The following ADAMTS17 variants were observed in gnomAD, a reference collection of about 807,000 sequenced individuals.
The protein encoded by ADAMTS17 is A disintegrin and metalloproteinase with thrombospondin motifs 17.
In ADAMTS17, 113 loss-of-function variants were observed where a neutral mutation model predicts 141.5. That is an observed-to-expected ratio of 0.80 (90% CI 0.69 to 0.93). The LOEUF is 0.93. ADAMTS17 is among the 40% of genes least tolerant of loss of function. The pLI, the probability that ADAMTS17 is intolerant of heterozygous loss-of-function variation, is 0.00. For missense variants in ADAMTS17, 1,659 were observed against 1,517.9 expected, an observed-to-expected ratio of 1.09 and a Z score of -1.54; for synonymous variants, 768 against 630.6, an observed-to-expected ratio of 1.22 and a Z score of -3.27.
chr15:100,150,451 A>T (rs956596930), intron 10 of ADAMTS17, among the ~76,000 whole-genome samples: 4 of 151,824 alleles, frequency 2.6e-5, no homozygotes, highest in African/African-American at 9.7e-5. Flanking sequence ...CTTAGCTTCT[A>T]TATTCTCATC....
At chr15:100,311,420 C>T (rs2141860202) in intron 3 of ADAMTS17, among the ~76,000 whole-genome samples, 2 of 152,332 alleles carry the variant, frequency 1.3e-5, no homozygotes, top group East Asian at 3.9e-4. Context: ...CAGGAGCTTC[C>T]CTGAGCCACC....
intron 7 of ADAMTS17, among the ~76,000 whole-genome samples, chr15:100,243,416 A>G (rs1480293786): frequency 4.6e-5 from 7 of 152,202 alleles, no homozygotes; most frequent in South Asian, 4.1e-4. Flanking sequence ...CAGATGCACC[A>G]TTTTGCATTC....
At position 100,341,352 on chromosome 15, in the gene ADAMTS17, T is replaced by G. The variant is rs2046361026; in HGVS notation, c.137A>C (p.Asp46Ala). ...GGGCAGCGGCGGCAGGTGCACGTCG[T>G]CGGGGCGCACCCGCCACGGGAGCAC... is the stretch of plus-strand genomic sequence containing the variant. ...EVVLPWRVRP[D>A]DVHLPPLPAA... The change falls in exon 2 of 22, where the codon GAC becomes GCC. Residue 46 changes from aspartate (D) to alanine (A), a missense_variant. By Grantham distance (126) the Asp-to-Ala change is moderately radical. Transcript: ENST00000268070. 9.8e-7 allele frequency: 1 copy of G among 1,018,338 alleles called. No homozygotes were observed. Among genetic ancestry groups the G allele is most frequent in the South Asian group, 4.4e-5 (1 of 22,482 alleles). 63.1% of individuals were successfully genotyped at this position (1,018,338 alleles called of 1,614,324 possible). A position where few individuals can be genotyped will look rare whatever the true frequency, so the allele number is the denominator to read the frequency against.
chr15:100,001,839 TGC>T (rs1372893981), intron 18 of ADAMTS17, among the ~76,000 whole-genome samples: 1 of 149,834 alleles, frequency 6.7e-6, no homozygotes, highest in Non-Finnish European at 1.5e-5. Context: ...CGTGGTGGTG[TGC>T]ATCTGTGGTC....
intron 7 of ADAMTS17, among the ~76,000 whole-genome samples, chr15:100,210,346 A>T (rs2041760612): frequency 6.6e-6 from 1 of 151,756 alleles, no homozygotes; most frequent in African/African-American, 2.4e-5. Context: ...CTATGTGTGT[A>T]CCAGGTCCTG....
At chr15:100,339,194 A>G (rs190210762) in intron 2 of ADAMTS17, 7 of 977,008 alleles carry the variant, frequency 7.2e-6, no homozygotes, top group Admixed American at 1.2e-4. Flanking sequence ...TGCTAAAGGG[A>G]AGGACAGTCT....
intron 7 of ADAMTS17, among the ~76,000 whole-genome samples, chr15:100,253,188 C>T (rs545878755): frequency 5.3e-5 from 8 of 151,480 alleles, no homozygotes; most frequent in East Asian, 2.0e-4. Flanking sequence ...CAAAGGTTCG[C>T]GTTATGGCAG....
chr15:100,162,016 T>C (rs955676786), intron 8 of ADAMTS17, among the ~76,000 whole-genome samples: 31 of 152,322 alleles, frequency 2.0e-4, no homozygotes, highest in African/African-American at 7.5e-4. Flanking sequence ...CATAGTACCA[T>C]GTCAGTAAGA....
intron 20 of ADAMTS17, among the ~76,000 whole-genome samples, chr15:99,983,662 G>T (rs1275368820): frequency 1.3e-5 from 2 of 151,816 alleles, no homozygotes; most frequent in Non-Finnish European, 2.9e-5. Context: ...CCCAGGCAGG[G>T]CTGCCCCCCA....
intron 6 of ADAMTS17, among the ~76,000 whole-genome samples, chr15:100,260,315 T>C (rs747188546): frequency 1.2e-4 from 19 of 152,010 alleles, no homozygotes; most frequent in Non-Finnish European, 2.4e-4. Flanking sequence ...TTAAGTGAGA[T>C]TTAACTCTTT....
intron 15 of ADAMTS17, among the ~76,000 whole-genome samples, chr15:100,082,441 C>G (rs572108895): frequency 1.9e-4 from 28 of 151,190 alleles, no homozygotes; most frequent in African/African-American, 6.8e-4. Flanking sequence ...AGTGCAGTGG[C>G]GTGATCTCAG....
intron 13 of ADAMTS17, among the ~76,000 whole-genome samples, chr15:100,114,954 G>A (rs2037021038): frequency 6.6e-6 from 1 of 152,196 alleles, no homozygotes; most frequent in South Asian, 2.1e-4. Context: ...TAAATAAGAC[G>A]GGAGCATTGA....
At chr15:100,309,300 A>C (rs970962206) in intron 3 of ADAMTS17, among the ~76,000 whole-genome samples, 4 of 152,232 alleles carry the variant, frequency 2.6e-5, no homozygotes, top group Admixed American at 6.5e-5. Flanking sequence ...TCGAGGCTGC[A>C]GTGAGCTGTG....
intron 7 of ADAMTS17, among the ~76,000 whole-genome samples, chr15:100,236,762 C>G (rs1019620479): frequency 2.0e-5 from 3 of 152,064 alleles, no homozygotes; most frequent in Non-Finnish European, 4.4e-5. Flanking sequence ...TGCTTGAGCC[C>G]AGGAGGTCGA....
intron 20 of ADAMTS17, among the ~76,000 whole-genome samples, chr15:99,977,313 T>A (rs1192812153): frequency 1.5e-5 from 2 of 130,588 alleles, no homozygotes; most frequent in Non-Finnish European, 3.1e-5. Flanking sequence ...TGGACCCGGT[T>A]AAGACTTCGT....
chr15:100,049,015 C>T (rs368242378), intron 17 of ADAMTS17, 23 bp from the exon 18 acceptor site: 10 of 1,614,034 alleles, frequency 6.2e-6, no homozygotes, highest in Non-Finnish European at 7.6e-6. Context: ...CCACAGGGAG[C>T]TGAGAGACTG....
Position 99,973,806 on chromosome 15 carries a change from G to A in ADAMTS17, c.*596C>T, listed in dbSNP as rs1219040048. The A allele has an allele frequency of 5.4e-6, 1 of 184,248 alleles. No individual in the cohort carries two copies. The highest frequency in any genetic ancestry group is 1.1e-5 in the Non-Finnish European group (1 of 87,292). 11.4% of individuals were successfully genotyped at this position (184,248 alleles called of 1,614,324 possible). The stretch of plus-strand genomic sequence containing the variant: ...TACACTCCACGCACGAGACTTCCAA[G>A]GCAACACCTAGGATTTAGAGACTAT... On this transcript the variant is annotated 3_prime_UTR_variant, in exon 22 of 22. Coordinates refer to ENST00000268070, the MANE Select transcript of ADAMTS17 (RefSeq NM_139057.4).
chr15:100,071,139 T>TAGA (rs947901300), intron 15 of ADAMTS17, among the ~76,000 whole-genome samples: 1 of 150,426 alleles, frequency 6.6e-6, no homozygotes, highest in African/African-American at 2.5e-5. Context: ...CTAGAAAATC[T>TAGA]AGAAGAAATG....
At chr15:100,141,117 C>A (rs548876060) in intron 10 of ADAMTS17, among the ~76,000 whole-genome samples, 2 of 152,330 alleles carry the variant, frequency 1.3e-5, no homozygotes, top group African/African-American at 4.8e-5. Flanking sequence ...GCATTTGTCA[C>A]CTCACTGGCT....
Sources: allele counts gnomAD v4.1 joint callset (sites outside exome capture counted in the v4.1 genomes callset), GRCh38; gene constraint gnomAD v4.1.1; transcripts MANE v1.5; gene names NCBI Gene and HGNC (gene_info 2026-07-23, HGNC 2026-07-21).